The following KIAA1671 variants were observed in gnomAD, a reference collection of about 807,000 sequenced individuals.
KIAA1671 encodes KIAA1671, also known as uncharacterized protein KIAA1671.
A neutral mutation model predicts 131.2 loss-of-function variants in KIAA1671; 52 were observed. The observed-to-expected ratio is 0.40, with a 90% CI of 0.32 to 0.50. The LOEUF (loss-of-function observed/expected upper bound fraction) is 0.50. Among genes scored for constraint, KIAA1671 ranks in the 20% least tolerant of loss-of-function variants. The probability of loss-of-function intolerance (pLI) is 0.73; values close to 1 mark genes in which losing one functional copy is unlikely to be tolerated. For missense variants in KIAA1671, 2,360 were observed against 2,364.2 expected (o/e 1.00, Z 0.04); for synonymous variants, 1,003 against 961.6 (o/e 1.04, Z -0.80).
Position 24,955,929 on chromosome 22 carries a change from G to A in KIAA1671, c.-208+3157G>A, listed in dbSNP as rs530790177. Reference sequence around the variant, plus strand: ...TCTCCTGGCTACTTGGGAGGCTGAGGCAGGAGAATGGCATGAACCGGGGAG... The same window carrying A: ...TCTCCTGGCTACTTGGGAGGCTGAGACAGGAGAATGGCATGAACCGGGGAG... On this transcript the variant is annotated intron_variant, in intron 1 of 12. Transcript: ENST00000358431. Among the ~76,000 whole-genome samples, 7 of 151,702 alleles carry A rather than the reference G, an allele frequency of 4.6e-5. No homozygotes were observed. The South Asian group carries it at 1.5e-3, about 32-fold the overall frequency.
In KIAA1671 at chr22:25,039,399, G is replaced by A. The variant is rs2145804900; in HGVS notation, c.2269G>A (p.Val757Ile). ...AISPAPEEKA[V>I]TLRSLRSWLS... The stretch of plus-strand genomic sequence containing the variant: ...CTCACCGGCACCGGAGGAGAAAGCG[G>A]TCACGCTCCGCAGCCTCAGGTCTTG... The change falls in exon 5 of 13, where the codon GTC becomes ATC. Residue 757 changes from valine to isoleucine, a missense_variant. Val to Ile is a conservative substitution (Grantham distance 29). This residue lies in a region of KIAA1671 where 1,185 missense variants were observed against 1,126.2 expected (regional missense o/e 1.05). Transcript: ENST00000358431. 6.4e-7 allele frequency: 1 copy of A among 1,551,808 alleles called. No individual in the cohort carries two copies. Among genetic ancestry groups the A allele is most frequent in the Admixed American group, 2.0e-5 (1 of 51,012 alleles).
intron 5 of KIAA1671, among the ~76,000 whole-genome samples, chr22:25,044,902 T>C (rs1927139383): frequency 6.6e-6 from 1 of 152,226 alleles, no homozygotes; most frequent in Non-Finnish European, 1.5e-5. Flanking sequence ...GGCTCATGCC[T>C]GTAATCCCAG....
At chr22:25,010,248 T>A (rs1297223015) in intron 1 of KIAA1671, 1 of 152,244 alleles carries the variant, frequency 6.6e-6, no homozygotes, top group African/African-American at 2.4e-5. Flanking sequence ...TGGCGCGATC[T>A]CGGCTCACTG....
chr22:24,960,684 C>T lies in KIAA1671; in HGVS notation c.-208+7912C>T, dbSNP rs530298632. On this transcript the variant is annotated intron_variant, in intron 1 of 12. Transcript: ENST00000358431. ...TTTTTTTTTTTTTTTTTTGCTATGA[C>T]CGAGTGCCGCAGTTAACATCCCTGT... Among the ~76,000 whole-genome samples, 7 of 134,660 alleles carry T rather than the reference C, an allele frequency of 5.2e-5. No homozygotes were observed. The East Asian group carries it at 1.4e-3, about 28-fold the overall frequency. 88.3% of individuals were successfully genotyped at this position (134,660 alleles called of 152,430 possible).
intron 6 of KIAA1671, among the ~76,000 whole-genome samples, chr22:25,108,591 C>T (rs756929938): frequency 3.9e-5 from 6 of 152,176 alleles, no homozygotes; most frequent in South Asian, 4.1e-4. Context: ...CATGGAAGTG[C>T]GACCTAGCCC....
intron 11 of KIAA1671, among the ~76,000 whole-genome samples, chr22:25,189,698 A>G (rs1400400236): frequency 1.3e-5 from 2 of 152,238 alleles, no homozygotes; most frequent in Admixed American, 1.3e-4. Context: ...ACCTGGATAG[A>G]GAGATGGAAG....
intron 6 of KIAA1671, among the ~76,000 whole-genome samples, chr22:25,080,430 G>T (rs1006216359): frequency 6.6e-6 from 1 of 152,196 alleles, no homozygotes; most frequent in African/African-American, 2.4e-5. Flanking sequence ...GGTACCCAGA[G>T]CCTTTGGAGC....
intron 6 of KIAA1671, among the ~76,000 whole-genome samples, chr22:25,073,560 CA>C (rs1928939879): frequency 6.6e-6 from 1 of 152,242 alleles, no homozygotes; most frequent in Non-Finnish European, 1.5e-5. Context: ...ACTCTCTCAA[CA>C]AATTTCCAGT....
At chr22:25,032,777 T>A in intron 4 of KIAA1671, 81 bp downstream of exon 4, 1 of 829,648 alleles carries the variant, frequency 1.2e-6, no homozygotes, top group Non-Finnish European at 1.9e-6. Context: ...CATGATCTTC[T>A]AGGCCCCAGG....
chr22:25,125,773 C>T (rs73401835), intron 6 of KIAA1671, among the ~76,000 whole-genome samples: 1 of 152,188 alleles, frequency 6.6e-6, no homozygotes, highest in Non-Finnish European at 1.5e-5. Context: ...TGATGTAGAT[C>T]GTAAGAGCTC....
At chr22:24,974,123 T>C (rs1183073158) in intron 1 of KIAA1671, among the ~76,000 whole-genome samples, 5 of 152,036 alleles carry the variant, frequency 3.3e-5, no homozygotes, top group African/African-American at 1.2e-4. Flanking sequence ...CAGGAAAGGA[T>C]TTATCAGCCG....
intron 3 of KIAA1671, among the ~76,000 whole-genome samples, chr22:25,032,241 G>A (rs1392002175): frequency 6.6e-6 from 1 of 152,202 alleles, no homozygotes; most frequent in Non-Finnish European, 1.5e-5. Flanking sequence ...ACGCCCTCAC[G>A]TAGCTATTAG....
intron 3 of KIAA1671, 71 bp from the exon 4 acceptor site, chr22:25,032,538 T>C (rs924743432): frequency 7.4e-6 from 7 of 948,090 alleles, no homozygotes. Context: ...CCTGGCCTCC[T>C]GAGCTGGTGT....
intron 6 of KIAA1671, among the ~76,000 whole-genome samples, chr22:25,134,103 G>C (rs756636561): frequency 9.2e-5 from 14 of 152,256 alleles, no homozygotes; most frequent in Non-Finnish European, 1.8e-4. Context: ...CTTTGCCGCA[G>C]AGTTGGGTTT....
chr22:25,032,811 C>CAT, intron 4 of KIAA1671, 115 bp downstream of exon 4: 2 of 539,154 alleles, frequency 3.7e-6, no homozygotes, highest in Non-Finnish European at 6.5e-6. Flanking sequence ...ATGTCATGCA[C>CAT]ACGATAAAAC....
intron 1 of KIAA1671, among the ~76,000 whole-genome samples, chr22:25,022,289 C>CAA (rs1456952392): frequency 6.6e-6 from 1 of 152,204 alleles, no homozygotes; most frequent in Non-Finnish European, 1.5e-5. Context: ...AGATCTTAAA[C>CAA]AGCTGTTAGA....
At chr22:25,179,367 TCCTCGCGCAGCC>T in intron 9 of KIAA1671, 2 of 1,604,104 alleles carry the variant, frequency 1.2e-6, no homozygotes, top group Non-Finnish European at 1.7e-6. Flanking sequence ...CGCGTGCAGC[TCCTCGCGCAGCC>T]GCTCGCGCAG....
At chr22:25,140,830 A>T (rs1932797012) in intron 6 of KIAA1671, among the ~76,000 whole-genome samples, 1 of 152,220 alleles carries the variant, frequency 6.6e-6, no homozygotes, top group Non-Finnish European at 1.5e-5. Flanking sequence ...TCCGTACCTC[A>T]AAGAGTGCAT....
intron 6 of KIAA1671, chr22:25,102,583 C>T (rs939559265): frequency 6.6e-6 from 1 of 152,188 alleles, no homozygotes; most frequent in East Asian, 1.9e-4. Context: ...GCTGGGACTA[C>T]AGGTGCACAC....
Sources: gnomAD v4.1 joint callset for allele counts (sites outside exome capture counted in the v4.1 genomes callset) on GRCh38, gnomAD v4.1.1 for gene constraint, gnomAD v4.1.1 regional missense constraint, MANE v1.5 for transcripts, NCBI Gene and HGNC (gene_info 2026-07-23, HGNC 2026-07-21) for gene names.